Variants in SYNE2 observed in about 807,000 individuals in gnomAD.
The protein encoded by SYNE2 is nesprin-2.
A neutral mutation model predicts 856.3 loss-of-function variants in SYNE2; 431 were observed. The observed-to-expected ratio is 0.50, with a 90% CI of 0.47 to 0.55. The LOEUF (loss-of-function observed/expected upper bound fraction) is 0.55, where lower values mean the gene tolerates loss of function less well. SYNE2 is among the 20% of genes least tolerant of loss of function. The probability of loss-of-function intolerance (pLI) is 0.00; values close to 1 mark genes in which losing one functional copy is unlikely to be tolerated. For synonymous variants in SYNE2, 2,923 were observed against 2,872.3 expected, an observed-to-expected ratio of 1.02 and a Z score of -0.56; for missense variants, 8,129 against 8,023.2, an observed-to-expected ratio of 1.01 and a Z score of -0.50.
chr14:63,962,357 G>C (rs1011390312), intron 9 of SYNE2, among the ~76,000 whole-genome samples: 29 of 151,954 alleles, frequency 1.9e-4, no homozygotes, highest in Non-Finnish European at 3.2e-4. Flanking sequence ...CGGCCGGCCT[G>C]TCAAATTTTT....
Position 64,023,100 on chromosome 14 carries a change from T to C in SYNE2, c.5637+237T>C, listed in dbSNP as rs1171103723. The C allele has an allele frequency of 8.6e-6, 4 of 466,808 alleles. No individual in the cohort carries two copies. In the East Asian group the frequency reaches 1.2e-4, roughly 14 times the overall value. The allele number at this position is 466,808 out of a possible 1,614,324, so 28.9% of individuals were successfully genotyped here. On this transcript the variant is annotated intron_variant, in intron 38 of 115. Transcript: ENST00000555002. Reference sequence around the variant, plus strand: ...GGTGAAACCTTATCTCTACAAAAAATACAAAAATTAGCTGGGTGTGGCAGC... The same window carrying C: ...GGTGAAACCTTATCTCTACAAAAAACACAAAAATTAGCTGGGTGTGGCAGC...
chr14:64,039,708 T>C (rs537891114), intron 45 of SYNE2, among the ~76,000 whole-genome samples: 39 of 152,350 alleles, frequency 2.6e-4, no homozygotes, highest in African/African-American at 9.1e-4. Flanking sequence ...TAGTACACTC[T>C]TTAAAATTAT....
chr14:63,950,135 T>C (rs982665986), intron 7 of SYNE2, 129 bp downstream of exon 7: 15 of 1,084,582 alleles, frequency 1.4e-5, no homozygotes, highest in Non-Finnish European at 2.1e-5. Flanking sequence ...CTGTGCTTCT[T>C]CCATACGTGG....
intron 77 of SYNE2, among the ~76,000 whole-genome samples, chr14:64,133,461 C>T (rs2098047160): frequency 6.6e-6 from 1 of 152,068 alleles, no homozygotes; most frequent in Non-Finnish European, 1.5e-5. Context: ...AATAACTCAG[C>T]TCTGTGGTGT....
At position 64,098,146 on chromosome 14, in the gene SYNE2, G is replaced by A. The variant is rs780874334; in HGVS notation, c.12306G>A (p.Lys4102=). Residue 4102 remains lysine, a splice_region_variant and synonymous_variant, in exon 62 of 116, where the codon AAG becomes AAA. Transcript: ENST00000555002. ...CAGAGAGGGATGCTTCTGAGCGGAA[G>A]GTGGGTATGACTTTAGGTTAATGCT... ...GVAERDASER[K]LNRRGSMSYL... is the part of the protein sequence containing the mutation. 1 of 1,613,896 alleles carries A rather than the reference G, an allele frequency of 6.2e-7. No homozygotes were observed. Among genetic ancestry groups the A allele is most frequent in the Non-Finnish European group, 8.5e-7 (1 of 1,179,914 alleles).
At chr14:64,041,474 TAAC>T (rs2097147913) in intron 45 of SYNE2, among the ~76,000 whole-genome samples, 1 of 152,094 alleles carries the variant, frequency 6.6e-6, no homozygotes, top group Non-Finnish European at 1.5e-5. Flanking sequence ...CCCAAATCAC[TAAC>T]AACACAATAA....
intron 65 of SYNE2, among the ~76,000 whole-genome samples, chr14:64,110,588 A>ACC (rs11315645): frequency 1.6e-3 from 118 of 75,332 alleles, no homozygotes; most frequent in East Asian, 4.8e-3. Flanking sequence ...TACTTTTTAC[A>ACC]CCCCCCCCCC....
intron 99 of SYNE2, among the ~76,000 whole-genome samples, chr14:64,193,983 G>A (rs943944971): frequency 1.3e-5 from 2 of 152,148 alleles, no homozygotes; most frequent in Non-Finnish European, 2.9e-5. Flanking sequence ...AGATTACTTG[G>A]GCCCTGGTGT....
chr14:63,917,233 C>T (rs370472502), intron 2 of SYNE2, among the ~76,000 whole-genome samples: 1 of 152,002 alleles, frequency 6.6e-6, no homozygotes, highest in Non-Finnish European at 1.5e-5. Context: ...AATATTTTTG[C>T]TTCTCTAACC....
intron 1 of SYNE2, among the ~76,000 whole-genome samples, chr14:63,886,658 T>C (rs550607628): frequency 2.0e-5 from 3 of 152,310 alleles, no homozygotes; most frequent in Non-Finnish European, 2.9e-5. Flanking sequence ...TTAAATGATA[T>C]GGACTATTCA....
chr14:64,014,984 C>T (rs1412942070), intron 32 of SYNE2, among the ~76,000 whole-genome samples: 2 of 131,676 alleles, frequency 1.5e-5, no homozygotes, highest in African/African-American at 5.9e-5. Context: ...TACACACACA[C>T]ACACACACAT....
intron 1 of SYNE2, among the ~76,000 whole-genome samples, chr14:63,820,167 A>G (rs1426984887): frequency 6.6e-6 from 1 of 152,214 alleles, no homozygotes; most frequent in Non-Finnish European, 1.5e-5. Context: ...AACTGATACT[A>G]TCTGACTTAA....
intron 1 of SYNE2, among the ~76,000 whole-genome samples, chr14:63,875,139 T>C (rs4902249): frequency 0.59 from 89,125 of 151,848 alleles, 26,435 homozygotes; most frequent in South Asian, 0.69. Flanking sequence ...CTTTAAACCA[T>C]TGGGCTCAAG....
chr14:64,139,807 C>T (rs1014589865), intron 79 of SYNE2, 134 bp from the exon 80 acceptor site: 17 of 889,778 alleles, frequency 1.9e-5, no homozygotes, highest in African/African-American at 3.3e-5. Flanking sequence ...TCCTTATTAA[C>T]GTCATGATAT....
intron 1 of SYNE2, among the ~76,000 whole-genome samples, chr14:63,840,779 G>C (rs577928278): frequency 6.6e-6 from 1 of 152,062 alleles, no homozygotes; most frequent in Non-Finnish European, 1.5e-5. Context: ...TTGGGAGGCC[G>C]AGGCAGGCGG....
At chr14:64,080,398 A>G in intron 55 of SYNE2, 58 bp from the exon 56 acceptor site, 1 of 1,551,668 alleles carries the variant, frequency 6.4e-7, no homozygotes, top group Non-Finnish European at 8.9e-7. Flanking sequence ...AAAACCAGGC[A>G]TTGCCTCCAT....
At chr14:64,202,209 C>G (rs747851433) in intron 99 of SYNE2, 1 of 702,372 alleles carries the variant, frequency 1.4e-6, no homozygotes, top group South Asian at 1.5e-5. Context: ...GCCCCATAAT[C>G]TACCCGCATG....
At chr14:64,020,123 A>C in intron 35 of SYNE2, 30 bp downstream of exon 35, 2 of 1,471,386 alleles carry the variant, frequency 1.4e-6, no homozygotes, top group Non-Finnish European at 1.9e-6. Flanking sequence ...AGTTTCAGTT[A>C]TTGAGGCTTC....
At chr14:64,216,837 G>T (rs2098668746) in intron 108 of SYNE2, among the ~76,000 whole-genome samples, 1 of 152,174 alleles carries the variant, frequency 6.6e-6, no homozygotes, top group Non-Finnish European at 1.5e-5. Context: ...TGATTTTCCT[G>T]CCTCAGCCTC....
Sources: allele counts gnomAD v4.1 joint callset (sites outside exome capture counted in the v4.1 genomes callset), GRCh38; gene constraint gnomAD v4.1.1; transcripts MANE v1.5; gene names NCBI Gene and HGNC (gene_info 2026-07-23, HGNC 2026-07-21).